Variants in PIGP observed in about 807,000 individuals in gnomAD.
PIGP encodes the protein phosphatidylinositol glycan anchor biosynthesis class P, also known as phosphatidylinositol N-acetylglucosaminyltransferase subunit P.
In PIGP, 12 loss-of-function variants were observed where a neutral mutation model predicts 16.9. The ratio of observed to expected loss-of-function variants is 0.71; its 90% confidence interval spans 0.46 to 1.15. The LOEUF is 1.15. PIGP is among the 50% of genes most tolerant of loss of function. PIGP has a pLI of 0.00. For missense variants in PIGP, 159 were observed against 153.5 expected (o/e 1.04, Z -0.19); for synonymous variants, 57 against 54.7 (o/e 1.04, Z -0.18).
intron 2 of PIGP, chr21:37,072,214 G>A: frequency 2.5e-6 from 4 of 1,606,900 alleles, no homozygotes; most frequent in Admixed American, 1.7e-5. Flanking sequence ...CTTTGCCATC[G>A]CGTCTGGTGC....
At chr21:37,070,478 T>A (rs1210960715) in intron 2 of PIGP, among the ~76,000 whole-genome samples, 1 of 152,222 alleles carries the variant, frequency 6.6e-6, no homozygotes, top group East Asian at 1.9e-4. Context: ...TTGTTACAAG[T>A]GCTCACGAAT....
chr21:37,070,659 A>C (rs142598664), intron 2 of PIGP, among the ~76,000 whole-genome samples: 3,253 of 152,314 alleles, frequency 0.021, 48 homozygotes, highest in African/African-American at 0.04. Flanking sequence ...ATGAAGACTC[A>C]AAGCAGGGCA....
intron 2 of PIGP, chr21:37,072,087 A>T: frequency 1.2e-6 from 1 of 822,096 alleles, no homozygotes. Flanking sequence ...TCTGGTTTCA[A>T]TGTCTCTCCA....
chr21:37,072,347 C>G, intron 2 of PIGP, 87 bp downstream of exon 2: 1 of 1,596,152 alleles, frequency 6.3e-7, no homozygotes, highest in Non-Finnish European at 8.6e-7. Flanking sequence ...ATCAACAGTT[C>G]ATGTGTGCAC....
chr21:37,071,901 A>G (rs966726348), intron 2 of PIGP, among the ~76,000 whole-genome samples: 1 of 152,114 alleles, frequency 6.6e-6, no homozygotes, highest in Non-Finnish European at 1.5e-5. Flanking sequence ...TCTCTGGCCT[A>G]CTTCTCCTGT....
In PIGP at chr21:37,065,596, A is replaced by G. The variant is rs769427203; in HGVS notation, c.391T>C (p.Tyr131His). Residue 131 changes from tyrosine to histidine, a missense_variant, in exon 5 of 5, where the codon TAC becomes CAC. Coordinates refer to ENST00000360525, the MANE Select transcript of PIGP (RefSeq NM_153682.3). ...QMFFLAAKEL[Y>H]TKN ...TTACACACAGTTCAGTTTTTGGTGT[A>G]AAGTTCTTTGGCTGCAAGAAAGAAC... The G allele has an allele frequency of 1.2e-6, 2 of 1,613,124 alleles. No individual in the cohort carries two copies. Among genetic ancestry groups the G allele is most frequent in the East Asian group, 2.2e-5 (1 of 44,768 alleles).
intron 1 of PIGP, 194 bp downstream of exon 1, chr21:37,072,806 G>A (rs946775980): frequency 5.5e-6 from 3 of 545,476 alleles, no homozygotes; most frequent in East Asian, 6.3e-5. Context: ...TGGCCTCCCT[G>A]TGGGAGGGGA....
intron 4 of PIGP, among the ~76,000 whole-genome samples, chr21:37,066,715 T>G (rs2069909433): frequency 6.6e-6 from 1 of 152,220 alleles, no homozygotes. Flanking sequence ...CTATTTACTA[T>G]CCCTTGATCA....
chr21:37,072,959 C>G, intron 1 of PIGP, 41 bp downstream of exon 1: 1 of 210,276 alleles, frequency 4.8e-6, no homozygotes, highest in South Asian at 9.3e-5. Context: ...ACCTCGGGTC[C>G]TTCATACGCC....
intron 2 of PIGP, among the ~76,000 whole-genome samples, chr21:37,070,354 G>A (rs991227360): frequency 5.9e-5 from 9 of 152,204 alleles, no homozygotes; most frequent in African/African-American, 2.2e-4. Context: ...ATGTATTACA[G>A]AATTCTGTAT....
At chr21:37,072,712 C>T (rs1350409750) in intron 1 of PIGP, 175 bp from the exon 2 acceptor site, 4 of 999,338 alleles carry the variant, frequency 4.0e-6, no homozygotes, top group East Asian at 4.9e-5. Flanking sequence ...GGCTGGCGCG[C>T]GCCCCGCAAC....
chr21:37,066,098 A>AAAAT (rs889743369), intron 4 of PIGP, among the ~76,000 whole-genome samples: 4 of 151,260 alleles, frequency 2.6e-5, no homozygotes, highest in African/African-American at 7.3e-5. Flanking sequence ...TAAAAAATAA[A>AAAAT]AAATAAATAA....
intron 1 of PIGP, 124 bp from the exon 2 acceptor site, chr21:37,072,661 C>A: frequency 6.5e-7 from 1 of 1,535,458 alleles, no homozygotes; most frequent in Non-Finnish European, 8.9e-7. Context: ...GCGCCTCCGT[C>A]CGCAACCCGC....
At chr21:37,071,856 T>A (rs2070066120) in intron 2 of PIGP, among the ~76,000 whole-genome samples, 2 of 152,128 alleles carry the variant, frequency 1.3e-5, no homozygotes, top group Non-Finnish European at 2.9e-5. Context: ...TTAAGGGAGA[T>A]CCAGGACGCA....
chr21:37,065,505 T>G lies in PIGP; in HGVS notation c.*77A>C. 4.8e-6 allele frequency: 7 copies of G among 1,459,130 alleles called. No individual in the cohort carries two copies. Among genetic ancestry groups the G allele is most frequent in the Non-Finnish European group, 6.5e-6 (7 of 1,074,850 alleles). The allele number at this position is 1,459,130 out of a possible 1,614,324, so 90.4% of individuals were successfully genotyped here. ...TCTATTAATAAGAGAGATGGTCAAA[T>G]TAATTTATGGTCAAAATTATAATGG... On this transcript the variant is annotated 3_prime_UTR_variant, in exon 5 of 5. Coordinates refer to ENST00000360525, the MANE Select transcript of PIGP (RefSeq NM_153682.3).
At chr21:37,072,636 G>A (rs2070168797) in intron 1 of PIGP, 99 bp from the exon 2 acceptor site, 2 of 1,592,650 alleles carry the variant, frequency 1.3e-6, no homozygotes, top group African/African-American at 2.7e-5. Flanking sequence ...CCCCCGCCGC[G>A]CAGAACCGCC....
chr21:37,072,609 C>G (rs568566403), intron 1 of PIGP, 72 bp from the exon 2 acceptor site: 32 of 1,605,392 alleles, frequency 2.0e-5, no homozygotes, highest in Non-Finnish European at 2.4e-5. Context: ...CGCCTCCTCG[C>G]TCCGCCGCGG....
Position 37,067,418 on chromosome 21 carries a change from T to A in PIGP, c.156-38A>T, listed in dbSNP as rs1419365560. On this transcript the variant is annotated intron_variant, in intron 3 of 4. Coordinates refer to ENST00000360525, the MANE Select transcript of PIGP (RefSeq NM_153682.3). Reference sequence around the variant, plus strand: ...ATATTAAAGTACATAATAGACACTTTAAAAAAGTTGTAATTCTCAAGAGTC... The same window carrying A: ...ATATTAAAGTACATAATAGACACTTAAAAAAAGTTGTAATTCTCAAGAGTC... 3.4e-6 allele frequency: 4 copies of A among 1,167,698 alleles called. No individual in the cohort carries two copies. The Admixed American group carries it at 5.9e-5, about 17-fold the overall frequency. The allele number at this position is 1,167,698 out of a possible 1,614,324, so 72.3% of individuals were successfully genotyped here. A position where few individuals can be genotyped will look rare whatever the true frequency, so the allele number is the denominator to read the frequency against.
At chr21:37,067,040 CTT>C (rs1181306275) in intron 4 of PIGP, among the ~76,000 whole-genome samples, 4 of 150,154 alleles carry the variant, frequency 2.7e-5, no homozygotes, top group African/African-American at 7.4e-5. Context: ...GAGTTTCACT[CTT>C]GTCACCCAAG....
Sources: allele counts gnomAD v4.1 joint callset (sites outside exome capture counted in the v4.1 genomes callset), GRCh38; gene constraint gnomAD v4.1.1; transcripts MANE v1.5; gene names NCBI Gene and HGNC (gene_info 2026-07-23, HGNC 2026-07-21).